FOXK1: variants seen among roughly 807,000 people sequenced by gnomAD.
The protein encoded by FOXK1 is forkhead box protein K1.
In FOXK1, 19 loss-of-function variants were observed where a neutral mutation model predicts 51.9. The observed-to-expected ratio is 0.37, with a 90% CI of 0.26 to 0.54. The LOEUF (loss-of-function observed/expected upper bound fraction) is 0.54, where lower values mean the gene tolerates loss of function less well. FOXK1 is among the 20% of genes least tolerant of loss of function. The probability of loss-of-function intolerance (pLI) is 0.87; values close to 1 mark genes in which losing one functional copy is unlikely to be tolerated. For synonymous variants in FOXK1, 537 were observed against 482.6 expected (o/e 1.11, Z -1.48); for missense variants, 870 against 1,032.7 (o/e 0.84, Z 2.16).
intron 1 of FOXK1, among the ~76,000 whole-genome samples, chr7:4,702,809 G>A (rs561634362): frequency 1.3e-5 from 2 of 152,318 alleles, no homozygotes; most frequent in South Asian, 4.1e-4. Flanking sequence ...CCCCATCCTG[G>A]ACGGGGCCTT....
intron 1 of FOXK1, among the ~76,000 whole-genome samples, chr7:4,697,878 G>C (rs1424878654): frequency 6.6e-6 from 1 of 151,776 alleles, no homozygotes; most frequent in Non-Finnish European, 1.5e-5. Flanking sequence ...AGACTGGAGT[G>C]CAGTGGCGTG....
chr7:4,699,145 CCTTGACATTTTTAAAAA>C (rs1192805231), intron 1 of FOXK1, among the ~76,000 whole-genome samples: 1 of 152,166 alleles, frequency 6.6e-6, no homozygotes, highest in Non-Finnish European at 1.5e-5. Flanking sequence ...TCATTACTGA[CCTTGACATTTTTAAAAA>C]CAGGCCAGTT....
intron 2 of FOXK1, among the ~76,000 whole-genome samples, chr7:4,746,083 G>C (rs1780698920): frequency 1.3e-5 from 2 of 152,174 alleles, no homozygotes; most frequent in African/African-American, 4.8e-5. Flanking sequence ...AAGACTTCAA[G>C]AGCTGTTTCT....
At position 4,762,288 on chromosome 7, in the gene FOXK1, G is replaced by T; in HGVS notation, c.2026G>T (p.Val676Phe). The T allele has an allele frequency of 6.4e-7, 1 of 1,550,486 alleles. No homozygotes were observed. The highest frequency in any genetic ancestry group is 1.2e-5 in the South Asian group (1 of 84,042). ...GGGGCCCAAGGAGCCAGCAGCAGCCGTCGCGGCCACGGCCACCACCACCCC... is the reference window on the plus strand; with the variant it reads ...GGGGCCCAAGGAGCCAGCAGCAGCCTTCGCGGCCACGGCCACCACCACCCC... ...EVGPKEPAAA[V>F]AATATTTPAT... Residue 676 changes from valine to phenylalanine, a missense_variant, in exon 9 of 9, where the codon GTC (valine) becomes TTC (phenylalanine). Physicochemically the swap from Val to Phe is conservative, Grantham distance 50 (BLOSUM62 -1). Around this residue, in one of 3 missense-constraint regions of FOXK1, gnomAD observed 457 missense variants for 510.8 expected, o/e 0.89. Coordinates refer to ENST00000328914, the MANE Select transcript of FOXK1 (RefSeq NM_001037165.2). This position sits in a 1 kb window ranked among gnomAD's most constrained non-coding sequence, Gnocchi z 5.7.
rs1178428205 is a variant in FOXK1 at position 4,734,174 on chromosome 7, C to T, written c.561-6664C>T. ...GCAGTTAGGAGACAGCAGATGCATT[C>T]CCAGAGCTCCTGAGAAGGAGCGGCT... is the stretch of plus-strand genomic sequence containing the variant. On this transcript the variant is annotated intron_variant, in intron 1 of 8. Transcript: ENST00000328914. This position sits in a 1 kb window ranked among gnomAD's most constrained non-coding sequence, Gnocchi z 5.2. Among the ~76,000 whole-genome samples the T allele has an allele frequency of 1.3e-5, 2 of 152,238 alleles. No homozygotes were observed. The highest frequency in any genetic ancestry group is 2.9e-5 in the Non-Finnish European group (2 of 68,038).
rs1352009368 is a variant in FOXK1, at chr7:4,713,464, CAA to C, written c.561-27373_561-27372del. ...AGCCCTGCGAGGTCAGCTCCCTAAA[CAA>C]GAGAATTTGCATAACCACCGTGTTT... On this transcript the variant is annotated intron_variant, in intron 1 of 8. Transcript: ENST00000328914. Among the ~76,000 whole-genome samples the C allele has an allele frequency of 7.3e-5, 11 of 151,554 alleles. No individual in the cohort carries two copies. In the East Asian group the frequency reaches 7.7e-4, roughly 11 times the overall value.
chr7:4,685,363 C>T (rs1163882715), intron 1 of FOXK1, among the ~76,000 whole-genome samples: 2 of 151,216 alleles, frequency 1.3e-5, no homozygotes, highest in Non-Finnish European at 2.9e-5. Context: ...TACAGGCGCA[C>T]AACACCACGC....
Position 4,740,915 on chromosome 7 carries a change from C to A in FOXK1, c.638C>A (p.Ser213Tyr). ...SLYHKEEAPA[S>Y]PLRPLYPQIS... ...TATCACAAAGAAGAGGCCCCAGCCTCCCCGCTGCGGCCACTGTACCCCCAG... is the reference window on the plus strand; with the variant it reads ...TATCACAAAGAAGAGGCCCCAGCCTACCCGCTGCGGCCACTGTACCCCCAG... Residue 213 changes from serine (S) to tyrosine (Y), a missense_variant, in exon 2 of 9, where the codon TCC becomes TAC. Physicochemically the swap from Ser to Tyr is moderately radical, Grantham distance 144. Around this residue, in one of 3 missense-constraint regions of FOXK1, gnomAD observed 399 missense variants for 475.6 expected, o/e 0.84. Transcript: ENST00000328914. 2 of 1,587,530 alleles carry A rather than the reference C, an allele frequency of 1.3e-6. No individual in the cohort carries two copies. Among genetic ancestry groups the A allele is most frequent in the Middle Eastern group, 1.7e-4 (1 of 5,992 alleles).
At chr7:4,688,227 T>C (rs1353422444) in intron 1 of FOXK1, among the ~76,000 whole-genome samples, 1 of 144,018 alleles carries the variant, frequency 6.9e-6, no homozygotes, top group Non-Finnish European at 1.5e-5. Flanking sequence ...ACTTTGTCTA[T>C]AAATATTTCA....
Position 4,759,078 on chromosome 7 carries a change from C to A in FOXK1, c.1272C>A (p.Pro424=). 6.2e-7 allele frequency: 1 copy of A among 1,607,568 alleles called. No homozygotes were observed. The highest frequency in any genetic ancestry group is 8.5e-7 in the Non-Finnish European group (1 of 1,178,334). ...SRSAPASPTH[P]GLMSPRSGGL... is the part of the protein sequence containing the mutation. Reference sequence around the variant, plus strand: ...GCGCTCCAGCTTCGCCCACACACCCCGGGCTGATGTCCCCTCGCTCCGGCG... The same window carrying A: ...GCGCTCCAGCTTCGCCCACACACCCAGGGCTGATGTCCCCTCGCTCCGGCG... Residue 424 remains proline (P), a synonymous_variant, in exon 6 of 9, where the codon CCC becomes CCA. Coordinates refer to ENST00000328914, the MANE Select transcript of FOXK1 (RefSeq NM_001037165.2).
At chr7:4,742,220 C>G (rs1360668762) in intron 2 of FOXK1, among the ~76,000 whole-genome samples, 2 of 152,336 alleles carry the variant, frequency 1.3e-5, no homozygotes, top group East Asian at 3.9e-4. Flanking sequence ...CACATATACC[C>G]TGAAAGGGGC....
rs2115078258 is a variant in FOXK1, at chr7:4,762,609, C to G, written c.*145C>G. 2.7e-6 allele frequency: 2 copies of G among 728,390 alleles called. No individual in the cohort carries two copies. The highest frequency in any genetic ancestry group is 1.8e-5 in the African/African-American group (1 of 56,044). 45.1% of individuals were successfully genotyped at this position (728,390 alleles called of 1,614,324 possible). A position where few individuals can be genotyped will look rare whatever the true frequency, so the allele number is the denominator to read the frequency against. On this transcript the variant is annotated 3_prime_UTR_variant, in exon 9 of 9. Coordinates refer to ENST00000328914, the MANE Select transcript of FOXK1 (RefSeq NM_001037165.2). The surrounding 1 kb of genome is among the most constrained non-coding windows in gnomAD (Gnocchi z 5.7). The stretch of plus-strand genomic sequence containing the variant: ...CGGCGGCACCTGGACACACCCAGCC[C>G]TTTCCATTTGATCGCCTGCCTTCCC...
In FOXK1 at chr7:4,747,584, G is replaced by A. The variant is rs945212820; in HGVS notation, c.746+6561G>A. Among the ~76,000 whole-genome samples, 1 of 152,152 alleles carries A rather than the reference G, an allele frequency of 6.6e-6. No individual in the cohort carries two copies. Among genetic ancestry groups the A allele is most frequent in the African/African-American group, 2.4e-5 (1 of 41,434 alleles). The stretch of plus-strand genomic sequence containing the variant: ...AGGGTCTCACTCTATTGCCCAGGCT[G>A]GAGTGCAGTGGCACAGTCACAGCTC... On this transcript the variant is annotated intron_variant, in intron 2 of 8. Transcript: ENST00000328914. This position sits in a 1 kb window ranked among gnomAD's most constrained non-coding sequence, Gnocchi z 9.2.
At chr7:4,728,325 A>C (rs114942942) in intron 1 of FOXK1, among the ~76,000 whole-genome samples, 2 of 152,236 alleles carry the variant, frequency 1.3e-5, no homozygotes, top group African/African-American at 4.8e-5. Flanking sequence ...GGAATTTCCA[A>C]AGAGCACCCA....
At position 4,693,582 on chromosome 7, in the gene FOXK1, C is replaced by T. The variant is rs116437852; in HGVS notation, c.560+10714C>T. ...CGTTATTTTCCCTGGGGGCCTCTGT[C>T]GCCCAAGCCGCTCTCTGATGGTGCC... is the stretch of plus-strand genomic sequence containing the variant. On this transcript the variant is annotated intron_variant, in intron 1 of 8. Transcript: ENST00000328914. 8.9e-3 allele frequency among the ~76,000 whole-genome samples: 1,361 copies of T among 152,276 alleles called. 32 individuals carry two copies. The highest frequency in any genetic ancestry group is 0.031 in the African/African-American group (1,278 of 41,552).
chr7:4,754,555 G>T lies in FOXK1; in HGVS notation c.843G>T (p.Glu281Asp). The T allele has an allele frequency of 6.2e-7, 1 of 1,611,084 alleles. No homozygotes were observed. The highest frequency in any genetic ancestry group is 8.5e-7 in the Non-Finnish European group (1 of 1,180,042). Residue 281 changes from glutamate (E) to aspartate (D), a missense_variant, in exon 3 of 9, where the codon GAG (glutamate) becomes GAT (aspartate). By Grantham distance (45) the Glu-to-Asp change is conservative. Around this residue, in one of 3 missense-constraint regions of FOXK1, gnomAD observed 399 missense variants for 475.6 expected, o/e 0.84. Coordinates refer to ENST00000328914, the MANE Select transcript of FOXK1 (RefSeq NM_001037165.2). ...CCTCGGACCTGCAGCTGGCAGCAGA[G>T]TTTGCAGCAAAGGCCGCGTCGGAGC... ...NVTSDLQLAA[E>D]FAAKAASEQQ...
At chr7:4,750,026 G>C (rs1485824852) in intron 2 of FOXK1, among the ~76,000 whole-genome samples, 22 of 152,208 alleles carry the variant, frequency 1.4e-4, no homozygotes, top group Admixed American at 1.4e-3. Context: ...GCATGGGGTT[G>C]TCCCTGTGAG....
intron 1 of FOXK1, among the ~76,000 whole-genome samples, chr7:4,701,094 C>A (rs1007642688): frequency 7.9e-5 from 12 of 152,296 alleles, no homozygotes; most frequent in African/African-American, 2.9e-4. Context: ...ACCAGCAAGG[C>A]TGTCATTCCT....
Position 4,761,713 on chromosome 7 carries a change from G to A in FOXK1, c.1921+425G>A, listed in dbSNP as rs1780934714. ...CCCTGTCCCTTTAAAAAAAAAGTGGGGGGAAAGAAAACAGGGTGGAAGGAA... is the reference window on the plus strand; with the variant it reads ...CCCTGTCCCTTTAAAAAAAAAGTGGAGGGAAAGAAAACAGGGTGGAAGGAA... On this transcript the variant is annotated intron_variant, in intron 8 of 8. Coordinates refer to ENST00000328914, the MANE Select transcript of FOXK1 (RefSeq NM_001037165.2). The surrounding 1 kb of genome is among the most constrained non-coding windows in gnomAD (Gnocchi z 6.2). 6.6e-6 allele frequency among the ~76,000 whole-genome samples: 1 copy of A among 152,038 alleles called. No homozygotes were observed. The highest frequency in any genetic ancestry group is 6.6e-5 in the Admixed American group (1 of 15,252).
Sources: allele counts gnomAD v4.1 joint callset (sites outside exome capture counted in the v4.1 genomes callset), GRCh38; gene constraint gnomAD v4.1.1; regional missense constraint gnomAD v4.1.1; non-coding constraint Gnocchi (gnomAD v3.1); transcripts MANE v1.5; gene names NCBI Gene and HGNC (gene_info 2026-07-23, HGNC 2026-07-21).